EYS: variants seen among roughly 807,000 people sequenced by gnomAD.
EYS encodes the protein EGF-like photoreceptor maintenance factor, also known as protein eyes shut homolog.
EYS carries 250 observed loss-of-function variants against 282.1 expected under a neutral mutation model. The observed-to-expected ratio is 0.89, with a 90% CI of 0.80 to 0.98. EYS has a LOEUF of 0.98. Among genes scored for constraint, EYS ranks in the 50% least tolerant of loss-of-function variants. The pLI, the probability that EYS is intolerant of heterozygous loss-of-function variation, is 0.00. For missense variants in EYS, 4,016 were observed against 3,709.0 expected (o/e 1.08, Z -2.15); for synonymous variants, 1,355 against 1,282.9 (o/e 1.06, Z -1.20).
chr6:64,150,633 C>A (rs1256203579), intron 31 of EYS, among the ~76,000 whole-genome samples: 1 of 152,076 alleles, frequency 6.6e-6, no homozygotes, highest in Non-Finnish European at 1.5e-5. Flanking sequence ...ACAAGAGCCA[C>A]AGACACACAA....
At chr6:63,847,591 C>A (rs1294287218) in intron 36 of EYS, among the ~76,000 whole-genome samples, 2 of 152,128 alleles carry the variant, frequency 1.3e-5, no homozygotes, top group Admixed American at 1.3e-4. Context: ...TTTGACTGGG[C>A]AATTCTACAA....
chr6:64,968,995 C>A (rs1770198659), intron 14 of EYS, among the ~76,000 whole-genome samples: 1 of 152,040 alleles, frequency 6.6e-6, no homozygotes, highest in South Asian at 2.1e-4. Flanking sequence ...TGCCCAAGAT[C>A]TCTGTTATAA....
chr6:64,425,610 C>T (rs142282602), intron 28 of EYS, among the ~76,000 whole-genome samples: 257 of 144,726 alleles, frequency 1.8e-3, no homozygotes, highest in African/African-American at 6.4e-3. Flanking sequence ...GCTGAGATCA[C>T]GCCATTGCAC....
intron 2 of EYS, among the ~76,000 whole-genome samples, chr6:65,626,641 T>A (rs1171382524): frequency 6.6e-6 from 1 of 152,076 alleles, no homozygotes; most frequent in African/African-American, 2.4e-5. Context: ...AAACAAGCCA[T>A]GGACCCGAAT....
intron 5 of EYS, among the ~76,000 whole-genome samples, chr6:65,427,866 T>G (rs535403997): frequency 6.6e-6 from 1 of 152,134 alleles, no homozygotes; most frequent in Non-Finnish European, 1.5e-5. Flanking sequence ...GATTCAAAAT[T>G]ATATATTTAG....
chr6:64,393,549 G>T (rs1773240043), intron 28 of EYS, among the ~76,000 whole-genome samples: 1 of 152,066 alleles, frequency 6.6e-6, no homozygotes, highest in Non-Finnish European at 1.5e-5. Context: ...TATCTCAATA[G>T]ATGCAGAAAA....
chr6:65,613,120 T>A (rs986310525), intron 2 of EYS, among the ~76,000 whole-genome samples: 2 of 151,858 alleles, frequency 1.3e-5, no homozygotes, highest in Non-Finnish European at 3.0e-5. Context: ...ATTGCACAGA[T>A]ATACACGTCT....
chr6:64,340,045 GAA>G lies in EYS; in HGVS notation c.6079-32965_6079-32964del, dbSNP rs35304660. Among the ~76,000 whole-genome samples the G allele has an allele frequency of 4.0e-5, 6 of 151,560 alleles. No individual in the cohort carries two copies. In the South Asian group the frequency reaches 6.2e-4, roughly 16 times the overall value. Reference sequence around the variant, plus strand: ...TATCACTTGTACCCCAATAATCTATGAAAAAAAATGTTTAAATTAGCATACAA... The same window carrying G: ...TATCACTTGTACCCCAATAATCTATGAAAAAATGTTTAAATTAGCATACAA... On this transcript the variant is annotated intron_variant, in intron 29 of 42. Transcript: ENST00000503581.
At chr6:64,687,927 T>G (rs998340386) in intron 22 of EYS, among the ~76,000 whole-genome samples, 1 of 152,222 alleles carries the variant, frequency 6.6e-6, no homozygotes, top group African/African-American at 2.4e-5. Context: ...GTTCAGGGAT[T>G]CAACTTCTTC....
chr6:63,908,043 T>TAC (rs1318760852), intron 35 of EYS, among the ~76,000 whole-genome samples: 101 of 41,526 alleles, frequency 2.4e-3, no homozygotes, highest in African/African-American at 0.02. Flanking sequence ...CGTTTGTGTG[T>TAC]GTGTGTGTGT....
chr6:64,157,530 G>A (rs529217451), intron 31 of EYS, among the ~76,000 whole-genome samples: 5 of 152,250 alleles, frequency 3.3e-5, no homozygotes, highest in South Asian at 4.1e-4. Flanking sequence ...TTACAGGCCC[G>A]GAGGCCAAGG....
chr6:65,227,024 C>T (rs150067927), intron 12 of EYS, among the ~76,000 whole-genome samples: 10 of 152,134 alleles, frequency 6.6e-5, no homozygotes, highest in East Asian at 1.9e-4. Flanking sequence ...CACCTGAGAT[C>T]GGGAGTGAGA....
chr6:65,527,885 A>G (rs1370952802), intron 2 of EYS, among the ~76,000 whole-genome samples: 1 of 152,182 alleles, frequency 6.6e-6, no homozygotes, highest in East Asian at 1.9e-4. Context: ...AATCCATACA[A>G]CATTGTCTGA....
intron 5 of EYS, among the ~76,000 whole-genome samples, chr6:65,465,135 A>G (rs1764955651): frequency 6.6e-6 from 1 of 152,188 alleles, no homozygotes; most frequent in Non-Finnish European, 1.5e-5. Flanking sequence ...TAAAATGAAA[A>G]GAGAAGAACA....
At chr6:65,564,518 T>A (rs1360963737) in intron 2 of EYS, among the ~76,000 whole-genome samples, 1 of 152,088 alleles carries the variant, frequency 6.6e-6, no homozygotes, top group East Asian at 1.9e-4. Context: ...AAACAGGCAA[T>A]GGGGAAAGGA....
chr6:64,704,846 C>A (rs2149928230), intron 22 of EYS, among the ~76,000 whole-genome samples: 1 of 152,242 alleles, frequency 6.6e-6, no homozygotes, highest in South Asian at 2.1e-4. Flanking sequence ...ATAAAACCAT[C>A]TATCACAAAT....
intron 5 of EYS, among the ~76,000 whole-genome samples, chr6:65,441,318 A>T: frequency 6.6e-6 from 1 of 151,748 alleles, no homozygotes; most frequent in East Asian, 1.9e-4. Flanking sequence ...TTACTTTTTA[A>T]TATTTTTGCA....
intron 22 of EYS, among the ~76,000 whole-genome samples, chr6:64,695,349 C>T (rs187361034): frequency 2.0e-5 from 3 of 152,208 alleles, no homozygotes; most frequent in Admixed American, 1.3e-4. Context: ...GATACCAATT[C>T]ATAACATTTG....
intron 1 of EYS, among the ~76,000 whole-genome samples, chr6:65,687,826 T>A (rs895815933): frequency 2.0e-5 from 3 of 152,122 alleles, no homozygotes; most frequent in Non-Finnish European, 2.9e-5. Flanking sequence ...TGAACTCCCA[T>A]TCACAATTGC....
Sources: allele counts gnomAD v4.1 joint callset (sites outside exome capture counted in the v4.1 genomes callset), GRCh38; gene constraint gnomAD v4.1.1; transcripts MANE v1.5; gene names NCBI Gene and HGNC (gene_info 2026-07-23, HGNC 2026-07-21).